TGFBR3: variants seen among roughly 807,000 people sequenced by gnomAD.
TGFBR3 encodes transforming growth factor beta receptor 3, also known as transforming growth factor beta receptor type 3.
In TGFBR3, 46 loss-of-function variants were observed where a neutral mutation model predicts 87.9. The ratio of observed to expected loss-of-function variants is 0.52; its 90% CI spans 0.41 to 0.67. The LOEUF (loss-of-function observed/expected upper bound fraction) is 0.67, where lower values mean the gene tolerates loss of function less well. TGFBR3 is among the 30% of genes least tolerant of loss of function. The pLI, the probability that TGFBR3 is intolerant of heterozygous loss-of-function variation, is 0.00. For missense variants in TGFBR3, 866 were observed against 1,041.9 expected, an observed-to-expected ratio of 0.83 and a Z score of 2.32; for synonymous variants, 381 against 391.6, an observed-to-expected ratio of 0.97 and a Z score of 0.32.
intron 1 of TGFBR3, among the ~76,000 whole-genome samples, chr1:91,865,914 A>C (rs1211347088): frequency 9.5e-4 from 11 of 11,614 alleles, no homozygotes; most frequent in Non-Finnish European, 1.4e-3. Flanking sequence ...TACGTCTCCC[A>C]AAAAAAAAAA....
chr1:91,891,169 G>A (rs910014694), intron 2 of TGFBR3, among the ~76,000 whole-genome samples: 4 of 151,480 alleles, frequency 2.6e-5, no homozygotes, highest in African/African-American at 4.8e-5. Flanking sequence ...GATTACAGGT[G>A]TGAGTCACTG....
intron 3 of TGFBR3, among the ~76,000 whole-genome samples, chr1:91,777,580 G>GCCCCAA (rs1674610224): frequency 1.1e-5 from 1 of 89,252 alleles, no homozygotes; most frequent in African/African-American, 4.2e-5. Context: ...CCCAGCCCCA[G>GCCCCAA]CCCCAACCCC....
At chr1:91,787,943 G>GAAAAAAAAAAAAAAAAA (rs111981257) in intron 3 of TGFBR3, among the ~76,000 whole-genome samples, 8 of 133,308 alleles carry the variant, frequency 6.0e-5, no homozygotes, top group Admixed American at 2.2e-4. Flanking sequence ...GTCTCACGGG[G>GAAAAAAAAAAAAAAAAA]AAAAAAAAAA....
intron 7 of TGFBR3, among the ~76,000 whole-genome samples, chr1:91,723,345 G>A (rs1672434649): frequency 6.6e-6 from 1 of 151,896 alleles, no homozygotes; most frequent in African/African-American, 2.4e-5. Flanking sequence ...GCCAGGCATG[G>A]TGGCATTTGC....
At chr1:91,691,524 ACTGT>A (rs1423228748) in intron 16 of TGFBR3, among the ~76,000 whole-genome samples, 1 of 152,232 alleles carries the variant, frequency 6.6e-6, no homozygotes, top group Non-Finnish European at 1.5e-5. Context: ...ACCTTGCCAA[ACTGT>A]CTACCAGGTG....
At chr1:91,885,698 G>A (rs369175993) in intron 1 of TGFBR3, among the ~76,000 whole-genome samples, 180 bp downstream of exon 1, 1 of 152,152 alleles carries the variant, frequency 6.6e-6, no homozygotes, top group African/African-American at 2.4e-5. Context: ...CCTGCTCCCC[G>A]GAGGGTAAAC....
intron 1 of TGFBR3, among the ~76,000 whole-genome samples, chr1:91,900,880 A>C (rs576404893): frequency 6.6e-6 from 1 of 152,284 alleles, no homozygotes; most frequent in Admixed American, 6.5e-5. Flanking sequence ...GACATGAAAA[A>C]AAGTTATTGG....
intron 3 of TGFBR3, among the ~76,000 whole-genome samples, chr1:91,796,978 C>T (rs1432133548): frequency 1.3e-5 from 2 of 152,104 alleles, no homozygotes; most frequent in African/African-American, 4.8e-5. Context: ...GATCCTCCCA[C>T]CTTGGCCTCT....
intron 3 of TGFBR3, among the ~76,000 whole-genome samples, chr1:91,777,791 C>T (rs1373373436): frequency 6.6e-6 from 1 of 152,194 alleles, no homozygotes; most frequent in African/African-American, 2.4e-5. Context: ...CCTGGATGCA[C>T]GGTGACCGTG....
intron 5 of TGFBR3, among the ~76,000 whole-genome samples, chr1:91,730,377 G>A (rs1672722152): frequency 1.3e-5 from 2 of 152,084 alleles, no homozygotes; most frequent in African/African-American, 4.8e-5. Context: ...TTTTTGAAAA[G>A]CTCGTAGTAG....
intron 2 of TGFBR3, among the ~76,000 whole-genome samples, chr1:91,846,560 C>A (rs1359098259): frequency 2.0e-5 from 3 of 151,154 alleles, no homozygotes; most frequent in African/African-American, 7.3e-5. Context: ...TCAGGCTTTT[C>A]GCATTTGAGC....
At position 91,685,220 on chromosome 1, in the gene TGFBR3, C is replaced by A. The variant is rs1431572452; in HGVS notation, c.2438-1363G>T. On this transcript the variant is annotated intron_variant, in intron 16 of 16. Coordinates refer to ENST00000212355, the MANE Select transcript of TGFBR3 (RefSeq NM_003243.5). Reference sequence around the variant, plus strand: ...TTTATGTGCTTGTTGTAAGTTTGGCCCTTGTTGTACTTCCTCTAATTATCT... The same window carrying A: ...TTTATGTGCTTGTTGTAAGTTTGGCACTTGTTGTACTTCCTCTAATTATCT... 5.9e-5 allele frequency among the ~76,000 whole-genome samples: 9 copies of A among 152,032 alleles called. No homozygotes were observed. The East Asian group carries it at 1.7e-3, about 29-fold the overall frequency.
intron 2 of TGFBR3, among the ~76,000 whole-genome samples, chr1:91,897,636 A>AT (rs1324100048): frequency 1.3e-5 from 2 of 152,208 alleles, no homozygotes; most frequent in African/African-American, 4.8e-5. Context: ...GTGAGAATGT[A>AT]TCATGCAGGC....
Position 91,748,087 on chromosome 1 carries a change from G to GA in TGFBR3, c.384+10525dup, listed in dbSNP as rs573137265. On this transcript the variant is annotated intron_variant, in intron 4 of 16. Transcript: ENST00000212355. ...AACCACAGACCTAACAACAGTTTGGGAAAAAAAGTTCTAAAGGGTATTTCC... is the reference window on the plus strand; with the variant it reads ...AACCACAGACCTAACAACAGTTTGGGAAAAAAAAGTTCTAAAGGGTATTTCC... 1.9e-4 allele frequency among the ~76,000 whole-genome samples: 29 copies of GA among 152,188 alleles called. No homozygotes were observed. In the South Asian group the frequency reaches 5.6e-3, roughly 29 times the overall value.
rs112782076 is a variant in TGFBR3 at position 91,807,152 on chromosome 1, C to A, written c.62-9681G>T. ...GAACTACAGCGCCTTGGGGATGGAGCGGTGGAATGTACCACCATTAAACTC... is the reference window on the plus strand; with the variant it reads ...GAACTACAGCGCCTTGGGGATGGAGAGGTGGAATGTACCACCATTAAACTC... On this transcript the variant is annotated intron_variant, in intron 2 of 16. Coordinates refer to ENST00000212355, the MANE Select transcript of TGFBR3 (RefSeq NM_003243.5). Among the ~76,000 whole-genome samples the A allele has an allele frequency of 6.2e-3, 941 of 152,302 alleles. 12 individuals are homozygous for A. Among genetic ancestry groups the A allele is most frequent in the African/African-American group, 0.022 (912 of 41,560 alleles).
rs1368823543 is a variant in TGFBR3 at position 91,698,105 on chromosome 1, T to C, written c.2313A>G (p.Pro771=). The C allele has an allele frequency of 1.4e-5, 23 of 1,614,082 alleles. No individual in the cohort carries two copies. Among genetic ancestry groups the C allele is most frequent in the Non-Finnish European group, 1.9e-5 (23 of 1,179,928 alleles). ...AAGACTTACGTGGAGAAATTGGATTTGGTTCCTTCATGCTTGGACCTTTTT... is the reference window on the plus strand; with the variant it reads ...AAGACTTACGTGGAGAAATTGGATTCGGTTCCTTCATGCTTGGACCTTTTT... ...SKEKGPSMKE[P]NPISPPIFHG... Residue 771 remains proline, a synonymous_variant, in exon 15 of 17, where the codon CCA becomes CCG. Transcript: ENST00000212355.
At chr1:91,808,782 A>G (rs974685471) in intron 2 of TGFBR3, among the ~76,000 whole-genome samples, 11 of 152,142 alleles carry the variant, frequency 7.2e-5, no homozygotes, top group Middle Eastern at 3.2e-3. Context: ...CTTTTGACCA[A>G]TAATATGGTG....
At chr1:91,819,680 T>C (rs1290114353) in intron 2 of TGFBR3, among the ~76,000 whole-genome samples, 1 of 152,114 alleles carries the variant, frequency 6.6e-6, no homozygotes, top group African/African-American at 2.4e-5. Flanking sequence ...ATAGCCACTA[T>C]CCTGAAGTCA....
At chr1:91,757,740 C>T (rs1557695233) in intron 4 of TGFBR3, among the ~76,000 whole-genome samples, 1 of 152,132 alleles carries the variant, frequency 6.6e-6, no homozygotes, top group Non-Finnish European at 1.5e-5. Context: ...TAGAAGTACT[C>T]TTCAAACACA....
Sources: allele counts gnomAD v4.1 joint callset (sites outside exome capture counted in the v4.1 genomes callset), GRCh38; gene constraint gnomAD v4.1.1; transcripts MANE v1.5; gene names NCBI Gene and HGNC (gene_info 2026-07-23, HGNC 2026-07-21).